Variants in GRM7 observed in about 807,000 individuals in gnomAD.
GRM7 encodes glutamate metabotropic receptor 7, also known as metabotropic glutamate receptor 7.
A neutral mutation model predicts 84.5 loss-of-function variants in GRM7; 35 were observed. The ratio of observed to expected loss-of-function variants is 0.41; its 90% CI spans 0.32 to 0.55. The LOEUF (loss-of-function observed/expected upper bound fraction) is 0.55. Among genes scored for constraint, GRM7 ranks in the 20% least tolerant of loss-of-function variants. GRM7 has a pLI of 0.19. For missense variants in GRM7, 1,003 were observed against 1,194.6 expected, an observed-to-expected ratio of 0.84 and a Z score of 2.36; for synonymous variants, 487 against 455.1, an observed-to-expected ratio of 1.07 and a Z score of -0.89.
chr3:7,187,605 A>G (rs2125102674), intron 2 of GRM7, among the ~76,000 whole-genome samples: 1 of 151,210 alleles, frequency 6.6e-6, no homozygotes, highest in South Asian at 2.1e-4. Context: ...CCTGCAGAGC[A>G]GGGCTACCCC....
At chr3:7,421,307 G>A in intron 5 of GRM7, among the ~76,000 whole-genome samples, 1 of 152,256 alleles carries the variant, frequency 6.6e-6, no homozygotes, top group Admixed American at 6.6e-5. Flanking sequence ...ATTAGGCAAT[G>A]CTTGATTCTG....
chr3:6,882,062 T>C (rs1218109253), intron 1 of GRM7, among the ~76,000 whole-genome samples: 1 of 152,042 alleles, frequency 6.6e-6, no homozygotes, highest in African/African-American at 2.4e-5. Context: ...TTTTCCTTCA[T>C]CCTCTACCTC....
chr3:7,344,530 T>G (rs1692799533), intron 4 of GRM7, among the ~76,000 whole-genome samples: 1 of 152,168 alleles, frequency 6.6e-6, no homozygotes, highest in South Asian at 2.1e-4. Flanking sequence ...TAATAAAAAT[T>G]CATAAAAAGT....
chr3:7,309,518 A>G (rs1482899755), intron 4 of GRM7, among the ~76,000 whole-genome samples: 1 of 152,094 alleles, frequency 6.6e-6, no homozygotes, highest in Non-Finnish European at 1.5e-5. Flanking sequence ...ATAATGCTAT[A>G]CCCTCAGATG....
At position 7,066,806 on chromosome 3, in the gene GRM7, T is replaced by A. The variant is rs1486203076; in HGVS notation, c.520-79646T>A. ...ACTAGCTAACTGAATCCAAAGCATATCAAAAAGATAATCCACCATGATCAA... is the reference window on the plus strand; with the variant it reads ...ACTAGCTAACTGAATCCAAAGCATAACAAAAAGATAATCCACCATGATCAA... On this transcript the variant is annotated intron_variant, in intron 1 of 9. Transcript: ENST00000357716. 2.6e-5 allele frequency among the ~76,000 whole-genome samples: 4 copies of A among 151,850 alleles called. No individual in the cohort carries two copies. The East Asian group carries it at 7.8e-4, about 30-fold the overall frequency.
intron 7 of GRM7, among the ~76,000 whole-genome samples, chr3:7,565,239 TTCCTTGACACCATCATTTATCCATTTAA>T (rs1450575451): frequency 2.6e-5 from 4 of 152,206 alleles, no homozygotes; most frequent in African/African-American, 4.8e-5. Flanking sequence ...AGTCTGTTCT[TTCCTTGACACCATCATTTATCCATTTAA>T]TCCAGCAATT....
Position 7,016,411 on chromosome 3 carries a change from G to A in GRM7, c.520-130041G>A, listed in dbSNP as rs545846631. 2.6e-5 allele frequency among the ~76,000 whole-genome samples: 4 copies of A among 152,284 alleles called. No individual in the cohort carries two copies. The East Asian group carries it at 7.7e-4, about 29-fold the overall frequency. ...GAAATTCGGGGTTTATATAGCTAGA[G>A]AGGTGATGTAGCTGCGTGCAGGGGA... On this transcript the variant is annotated intron_variant, in intron 1 of 9. Transcript: ENST00000357716.
chr3:7,189,201 C>A (rs1237192283), intron 2 of GRM7, among the ~76,000 whole-genome samples: 1 of 152,102 alleles, frequency 6.6e-6, no homozygotes, highest in African/African-American at 2.4e-5. Flanking sequence ...TCAATATATC[C>A]TGTATATGCA....
At chr3:7,463,183 A>C (rs1300153560) in intron 7 of GRM7, among the ~76,000 whole-genome samples, 1 of 152,170 alleles carries the variant, frequency 6.6e-6, no homozygotes, top group Non-Finnish European at 1.5e-5. Flanking sequence ...GATCCAGTGG[A>C]TTAAATAGGT....
chr3:7,302,573 GC>G (rs530669560), intron 3 of GRM7, among the ~76,000 whole-genome samples: 171 of 152,124 alleles, frequency 1.1e-3, no homozygotes, highest in Non-Finnish European at 2.2e-3. Flanking sequence ...TATTTTTGGT[GC>G]CTTGATATGA....
rs1699188194 is a variant in GRM7 at position 7,103,749 on chromosome 3, C to CGTTT, written c.520-42703_520-42702insGTTT. Among the ~76,000 whole-genome samples the CGTTT allele has an allele frequency of 2.1e-5, 2 of 96,662 alleles. 1 individual carries two copies. The highest frequency in any genetic ancestry group is 3.9e-5 in the Non-Finnish European group (2 of 50,880). The allele number at this position is 96,662 out of a possible 152,430, so 63.4% of individuals were successfully genotyped here. ...CTCTCTTTTTCTCTTTCTCTCTCTC[C>CGTTT]CTTTCTTTCTTTCTTTCTTTCTTTC... On this transcript the variant is annotated intron_variant, in intron 1 of 9. Transcript: ENST00000357716.
intron 1 of GRM7, among the ~76,000 whole-genome samples, chr3:6,881,846 C>T (rs1349310778): frequency 6.6e-6 from 1 of 151,886 alleles, no homozygotes; most frequent in African/African-American, 2.4e-5. Context: ...CTGCTACAAT[C>T]TGGAGGGGCT....
intron 1 of GRM7, among the ~76,000 whole-genome samples, chr3:7,067,890 T>C (rs1007764501): frequency 1.3e-5 from 2 of 151,980 alleles, no homozygotes; most frequent in African/African-American, 2.4e-5. Context: ...ACCTGAAATA[T>C]ATTGCTGCAC....
chr3:7,100,336 A>G (rs548558545), intron 1 of GRM7, among the ~76,000 whole-genome samples: 1 of 151,776 alleles, frequency 6.6e-6, no homozygotes, highest in African/African-American at 2.4e-5. Context: ...CACTTCCTGA[A>G]ACTGTGTTAA....
At chr3:6,947,651 C>T (rs1348262045) in intron 1 of GRM7, among the ~76,000 whole-genome samples, 1 of 152,150 alleles carries the variant, frequency 6.6e-6, no homozygotes, top group African/African-American at 2.4e-5. Flanking sequence ...CCTTGTACCT[C>T]TGGTAGAATT....
chr3:7,146,481 A>T lies in GRM7; in HGVS notation c.549A>T (p.Ala183=), dbSNP rs1559469385. 5 of 1,613,642 alleles carry T rather than the reference A, an allele frequency of 3.1e-6. No individual in the cohort carries two copies. The highest frequency in any genetic ancestry group is 4.2e-6 in the Non-Finnish European group (5 of 1,179,898). The change falls in exon 2 of 10, where the codon GCA becomes GCT. Residue 183 remains alanine (A), a synonymous_variant. Coordinates refer to ENST00000357716, the MANE Select transcript of GRM7 (RefSeq NM_000844.4). Reference sequence around the variant, plus strand: ...CCCAGATTAGTTATGCATCAACGGCACCCGAGCTAAGTGATGACCGGCGCT... The same window carrying T: ...CCCAGATTAGTTATGCATCAACGGCTCCCGAGCTAAGTGATGACCGGCGCT... ...QIPQISYAST[A]PELSDDRRYD...
chr3:7,296,170 T>C (rs1054124555), intron 2 of GRM7, among the ~76,000 whole-genome samples: 1 of 152,028 alleles, frequency 6.6e-6, no homozygotes, highest in African/African-American at 2.4e-5. Context: ...TTTTTTAGTC[T>C]GACAATATGT....
chr3:7,721,285 T>A (rs1367193798), intron 9 of GRM7, among the ~76,000 whole-genome samples: 1 of 152,226 alleles, frequency 6.6e-6, no homozygotes, highest in Non-Finnish European at 1.5e-5. Context: ...TTGTATAAGG[T>A]AGACCCCTCT....
intron 4 of GRM7, among the ~76,000 whole-genome samples, chr3:7,336,890 CAT>C (rs1394408210): frequency 6.6e-6 from 1 of 151,878 alleles, no homozygotes; most frequent in Non-Finnish European, 1.5e-5. Flanking sequence ...GAAAAAAAAT[CAT>C]AGACAACACA....
Sources: allele counts gnomAD v4.1 joint callset (sites outside exome capture counted in the v4.1 genomes callset), GRCh38; gene constraint gnomAD v4.1.1; transcripts MANE v1.5; gene names NCBI Gene and HGNC (gene_info 2026-07-23, HGNC 2026-07-21).